Variants in KIAA0319 observed in about 807,000 individuals in gnomAD.
KIAA0319 encodes dyslexia-associated protein KIAA0319.
In KIAA0319, 83 loss-of-function variants were observed where a neutral mutation model predicts 108.4. That is an observed-to-expected ratio of 0.77 (90% CI 0.64 to 0.92). The LOEUF is 0.92. Ranked by LOEUF, KIAA0319 falls within the 40% of genes least tolerant of loss-of-function variation. The pLI, the probability that KIAA0319 is intolerant of heterozygous loss-of-function variation, is 0.00. For missense variants in KIAA0319, 1,195 were observed against 1,322.4 expected (o/e 0.90, Z 1.49); for synonymous variants, 484 against 510.4 (o/e 0.95, Z 0.70).
chr6:24,606,741 T>G (rs1771464336), intron 1 of KIAA0319, among the ~76,000 whole-genome samples: 1 of 152,214 alleles, frequency 6.6e-6, no homozygotes. Flanking sequence ...CTTTGCAGCT[T>G]AGTGTGGTCA....
At chr6:24,580,538 C>T (rs1342238607) in intron 7 of KIAA0319, among the ~76,000 whole-genome samples, 1 of 152,142 alleles carries the variant, frequency 6.6e-6, no homozygotes, top group Admixed American at 6.5e-5. Context: ...AATGCACTGA[C>T]CGATGGGCAT....
intron 18 of KIAA0319, among the ~76,000 whole-genome samples, 185 bp downstream of exon 18, chr6:24,556,422 C>A (rs534840898): frequency 2.6e-5 from 4 of 152,194 alleles, no homozygotes; most frequent in African/African-American, 7.2e-5. Flanking sequence ...CCACCTCAGC[C>A]TCCTGAGTAG....
intron 1 of KIAA0319, among the ~76,000 whole-genome samples, chr6:24,625,638 G>T (rs1774609904): frequency 1.3e-5 from 2 of 152,130 alleles, no homozygotes; most frequent in African/African-American, 4.8e-5. Context: ...GTAAAACTAT[G>T]TCTATTCACA....
At chr6:24,548,614 T>C (rs1177432012) in intron 20 of KIAA0319, among the ~76,000 whole-genome samples, 1 of 152,144 alleles carries the variant, frequency 6.6e-6, no homozygotes, top group Non-Finnish European at 1.5e-5. Context: ...TCAGTGAGAT[T>C]TGAAGAAGAG....
chr6:24,554,999 C>G (rs951259247), intron 18 of KIAA0319, among the ~76,000 whole-genome samples: 1 of 152,206 alleles, frequency 6.6e-6, no homozygotes, highest in East Asian at 1.9e-4. Context: ...ATCACAACCC[C>G]TACCCCTGAA....
chr6:24,612,428 G>A (rs1021047523), intron 1 of KIAA0319, among the ~76,000 whole-genome samples: 1 of 152,152 alleles, frequency 6.6e-6, no homozygotes, highest in African/African-American at 2.4e-5. Flanking sequence ...TCCAGCCTGG[G>A]TGACAGAGTG....
At chr6:24,553,488 C>T (rs1319236603) in intron 19 of KIAA0319, among the ~76,000 whole-genome samples, 1 of 151,884 alleles carries the variant, frequency 6.6e-6, no homozygotes, top group Non-Finnish European at 1.5e-5. Context: ...CCTTCTTTCA[C>T]CTGCTTTTTA....
intron 19 of KIAA0319, 29 bp downstream of exon 19, chr6:24,554,512 T>C (rs1250681119): frequency 3.3e-6 from 5 of 1,522,014 alleles, no homozygotes; most frequent in Admixed American, 1.7e-5. Flanking sequence ...GTAGGGTCTC[T>C]ATTTCCCAGG....
intron 3 of KIAA0319, among the ~76,000 whole-genome samples, chr6:24,594,454 C>G (rs374990822): frequency 6.6e-6 from 1 of 151,396 alleles, no homozygotes; most frequent in Middle Eastern, 3.4e-3. Flanking sequence ...AGTGAAAACC[C>G]ATCTCTACTA....
At chr6:24,626,171 T>C (rs1774685702) in intron 1 of KIAA0319, among the ~76,000 whole-genome samples, 1 of 152,210 alleles carries the variant, frequency 6.6e-6, no homozygotes, top group South Asian at 2.1e-4. Context: ...TGCAAATCAG[T>C]GGCTGCCAGT....
At chr6:24,600,009 C>G (rs1770378887) in intron 2 of KIAA0319, among the ~76,000 whole-genome samples, 1 of 145,026 alleles carries the variant, frequency 6.9e-6, no homozygotes, top group African/African-American at 2.6e-5. Flanking sequence ...AAAATAAACC[C>G]TCAGCTAGTT....
intron 6 of KIAA0319, 110 bp downstream of exon 6, chr6:24,582,139 C>G: frequency 1.4e-6 from 1 of 694,308 alleles, no homozygotes; most frequent in Admixed American, 1.9e-5. Flanking sequence ...GAGCAAGACT[C>G]TGTCCCCAAA....
chr6:24,558,015 G>A (rs1762538761), intron 17 of KIAA0319, among the ~76,000 whole-genome samples: 1 of 152,092 alleles, frequency 6.6e-6, no homozygotes, highest in Admixed American at 6.5e-5. Context: ...TCTTTGGATG[G>A]TGAGAATTTT....
intron 20 of KIAA0319, among the ~76,000 whole-genome samples, chr6:24,549,603 T>C (rs959955171): frequency 1.3e-5 from 2 of 152,328 alleles, no homozygotes; most frequent in Non-Finnish European, 1.5e-5. Flanking sequence ...ACCAGCTATG[T>C]TACTTGGGCA....
chr6:24,622,783 C>T (rs1366124059), intron 1 of KIAA0319, among the ~76,000 whole-genome samples: 1 of 152,142 alleles, frequency 6.6e-6, no homozygotes, highest in Non-Finnish European at 1.5e-5. Context: ...GTGGTTCACA[C>T]CTGTAATTTT....
At chr6:24,541,507 A>G (rs1339222176), downstream of KIAA0319, among the ~76,000 whole-genome samples, 1 of 152,232 alleles carries the variant, frequency 6.6e-6, no homozygotes, top group Non-Finnish European at 1.5e-5. Context: ...TAACACGATT[A>G]ATTTAGTCAG....
At chr6:24,579,546 T>C (rs185057538) in intron 8 of KIAA0319, among the ~76,000 whole-genome samples, 1 of 147,246 alleles carries the variant, frequency 6.8e-6, no homozygotes, top group East Asian at 1.9e-4. Context: ...CATATATATA[T>C]ACACAAAGTG....
chr6:24,559,614 T>C (rs569734727), intron 16 of KIAA0319, among the ~76,000 whole-genome samples: 3 of 44,400 alleles, frequency 6.8e-5, no homozygotes, highest in South Asian at 9.2e-4. Context: ...AAATCCATAA[T>C]AGTAAAAAAA....
intron 12 of KIAA0319, 54 bp downstream of exon 12, chr6:24,569,849 T>A: frequency 6.3e-7 from 1 of 1,585,164 alleles, no homozygotes; most frequent in Non-Finnish European, 8.6e-7. Context: ...AGAGAAGGGA[T>A]AATATTAGCA....
Sources: gnomAD v4.1 joint callset for allele counts (sites outside exome capture counted in the v4.1 genomes callset) on GRCh38, gnomAD v4.1.1 for gene constraint, MANE v1.5 for transcripts, NCBI Gene and HGNC (gene_info 2026-07-23, HGNC 2026-07-21) for gene names.